DGKI: variants seen among roughly 807,000 people sequenced by gnomAD.
DGKI encodes diacylglycerol kinase iota, also known as DAG kinase iota.
A neutral mutation model predicts 147.5 loss-of-function variants in DGKI; 55 were observed. The observed-to-expected ratio is 0.37, with a 90% CI of 0.30 to 0.47. The LOEUF is 0.47. Among genes scored for constraint, DGKI ranks in the 20% least tolerant of loss-of-function variants. The pLI, the probability that DGKI is intolerant of heterozygous loss-of-function variation, is 1.00. For synonymous variants in DGKI, 469 were observed against 477.1 expected (o/e 0.98, Z 0.22); for missense variants, 1,007 against 1,323.8 (o/e 0.76, Z 3.71).
At chr7:137,648,678 C>T (rs1821917864) in intron 5 of DGKI, among the ~76,000 whole-genome samples, 2 of 152,160 alleles carry the variant, frequency 1.3e-5, no homozygotes, top group Admixed American at 1.3e-4. Flanking sequence ...CAATTTAAAA[C>T]TTACGAATTG....
chr7:137,698,695 G>A (rs1372948897), intron 1 of DGKI, among the ~76,000 whole-genome samples: 1 of 152,168 alleles, frequency 6.6e-6, no homozygotes, highest in Non-Finnish European at 1.5e-5. Flanking sequence ...CCTCAAATAT[G>A]CATAGCAAGT....
At chr7:137,726,018 C>T (rs1490404100) in intron 1 of DGKI, among the ~76,000 whole-genome samples, 2 of 152,136 alleles carry the variant, frequency 1.3e-5, no homozygotes, top group South Asian at 4.1e-4. Flanking sequence ...TTTTAACATG[C>T]CTTGTCTGGG....
rs532652167 is a variant in DGKI at position 137,839,275 on chromosome 7, G to A, written c.401+7187C>T. Among the ~76,000 whole-genome samples, 230 of 152,278 alleles carry A rather than the reference G, an allele frequency of 1.5e-3. 2 individuals carry two copies. The highest frequency in any genetic ancestry group is 5.3e-3 in the African/African-American group (219 of 41,552). Reference sequence around the variant, plus strand: ...AATTGTGTTTTAATAAGTTATGAAAGAAAAAGTACATATTCTATACCTTAA... The same window carrying A: ...AATTGTGTTTTAATAAGTTATGAAAAAAAAAGTACATATTCTATACCTTAA... On this transcript the variant is annotated intron_variant, in intron 1 of 32. Transcript: ENST00000614521.
chr7:137,753,360 C>A (rs895594337), intron 1 of DGKI, among the ~76,000 whole-genome samples: 1 of 152,174 alleles, frequency 6.6e-6, no homozygotes, highest in African/African-American at 2.4e-5. Context: ...TAAACTCAGC[C>A]GGGATCCCTG....
intron 1 of DGKI, among the ~76,000 whole-genome samples, chr7:137,837,038 G>A (rs181168378): frequency 1.8e-4 from 28 of 152,312 alleles, no homozygotes; most frequent in Non-Finnish European, 1.9e-4. Flanking sequence ...CTGCAATAGG[G>A]AAGTAATAAG....
At chr7:137,407,840 A>T in intron 30 of DGKI, 35 bp downstream of exon 30, 1 of 1,609,948 alleles carries the variant, frequency 6.2e-7, no homozygotes, top group African/African-American at 1.3e-5. Context: ...TTTCACAGGT[A>T]AGTGATCCTT....
At chr7:137,433,091 A>G (rs1348517540) in intron 28 of DGKI, among the ~76,000 whole-genome samples, 1 of 152,204 alleles carries the variant, frequency 6.6e-6, no homozygotes, top group Non-Finnish European at 1.5e-5. Context: ...AAGTCTGGCA[A>G]AACAAGGAAG....
In DGKI at chr7:137,521,895, T is replaced by A; in HGVS notation, c.2219A>T (p.His740Leu). The change falls in exon 21 of 33, where the codon CAC (histidine) becomes CTC (leucine). Residue 740 changes from histidine (H) to leucine (L), a missense_variant. Physicochemically the swap from His to Leu is moderately conservative, Grantham distance 99. Coordinates refer to ENST00000614521, the MANE Select transcript of DGKI (RefSeq NM_001321708.2). ...TTCTCGGAGTTTCTCCTTGTCATAG[T>A]GGAATCCTTCATAGTCTTGTAAACT... ...KISLQDYEGF[H>L]YDKEKLREAS... 6.2e-7 allele frequency: 1 copy of A among 1,612,004 alleles called. No homozygotes were observed. The highest frequency in any genetic ancestry group is 8.5e-7 in the Non-Finnish European group (1 of 1,178,764).
intron 8 of DGKI, among the ~76,000 whole-genome samples, chr7:137,613,279 T>C (rs1436758384): frequency 6.6e-6 from 1 of 151,938 alleles, no homozygotes; most frequent in African/African-American, 2.4e-5. Context: ...GGAGAGAGAG[T>C]AATGGACTTA....
chr7:137,746,146 T>C (rs1585436962), intron 1 of DGKI, among the ~76,000 whole-genome samples: 1 of 151,994 alleles, frequency 6.6e-6, no homozygotes, highest in Non-Finnish European at 1.5e-5. Context: ...GTTTTGGAGG[T>C]TTTTTTGGTT....
intron 18 of DGKI, among the ~76,000 whole-genome samples, chr7:137,571,880 A>C (rs1818805182): frequency 6.6e-6 from 1 of 152,214 alleles, no homozygotes; most frequent in African/African-American, 2.4e-5. Context: ...GAGAGGAAGA[A>C]GGACAAGAGA....
intron 6 of DGKI, among the ~76,000 whole-genome samples, chr7:137,632,099 T>C (rs1304158111): frequency 1.3e-5 from 2 of 152,160 alleles, no homozygotes; most frequent in East Asian, 1.9e-4. Flanking sequence ...TACTGTAAGA[T>C]TGAAGTTGCA....
Position 137,388,380 on chromosome 7 carries a change from G to T in DGKI, c.*2840C>A, listed in dbSNP as rs1389379940. The T allele has an allele frequency of 6.6e-6, 1 of 152,080 alleles. No individual in the cohort carries two copies. Among genetic ancestry groups the T allele is most frequent in the African/African-American group, 2.4e-5 (1 of 41,422 alleles). 9.4% of individuals were successfully genotyped at this position (152,080 alleles called of 1,614,324 possible). On this transcript the variant is annotated 3_prime_UTR_variant, in exon 33 of 33. Coordinates refer to ENST00000614521, the MANE Select transcript of DGKI (RefSeq NM_001321708.2). Reference sequence around the variant, plus strand: ...CCACATCTAAAAATGGAATCTCAAAGCAGTCAGTGCCATGACACAAAGAAA... The same window carrying T: ...CCACATCTAAAAATGGAATCTCAAATCAGTCAGTGCCATGACACAAAGAAA...
intron 1 of DGKI, among the ~76,000 whole-genome samples, chr7:137,793,684 G>T (rs1274456949): frequency 6.6e-6 from 1 of 152,032 alleles, no homozygotes; most frequent in Non-Finnish European, 1.5e-5. Context: ...ATTAAAATGG[G>T]CTACTAATGT....
At chr7:137,608,275 G>T (rs1373908763) in intron 10 of DGKI, among the ~76,000 whole-genome samples, 1 of 152,172 alleles carries the variant, frequency 6.6e-6, no homozygotes, top group African/African-American at 2.4e-5. Flanking sequence ...CCATAGAAGA[G>T]TATTGATAAG....
intron 1 of DGKI, among the ~76,000 whole-genome samples, chr7:137,805,080 C>T (rs1797324960): frequency 6.6e-6 from 1 of 152,212 alleles, no homozygotes; most frequent in Admixed American, 6.5e-5. Flanking sequence ...GATGACTCCA[C>T]TATTGTACTG....
chr7:137,672,812 C>CTTTTTT (rs1554454148), intron 3 of DGKI, among the ~76,000 whole-genome samples: 2 of 115,198 alleles, frequency 1.7e-5, no homozygotes, highest in African/African-American at 7.5e-5. Context: ...GGGAGTTTCG[C>CTTTTTT]TCTTTTTGCC....
intron 1 of DGKI, among the ~76,000 whole-genome samples, chr7:137,698,507 C>T (rs535332956): frequency 2.0e-5 from 3 of 152,122 alleles, no homozygotes; most frequent in Non-Finnish European, 4.4e-5. Context: ...TTACATCAAC[C>T]AGTCTTTGAG....
chr7:137,771,090 T>G (rs1179305021), intron 1 of DGKI, among the ~76,000 whole-genome samples: 7 of 152,148 alleles, frequency 4.6e-5, no homozygotes, highest in African/African-American at 1.7e-4. Context: ...TCTTTATTTA[T>G]TTTTATTTAT....
Sources: allele counts gnomAD v4.1 joint callset (sites outside exome capture counted in the v4.1 genomes callset), GRCh38; gene constraint gnomAD v4.1.1; transcripts MANE v1.5; gene names NCBI Gene and HGNC (gene_info 2026-07-23, HGNC 2026-07-21).